FSTL5: variants seen among roughly 807,000 people sequenced by gnomAD.
FSTL5 encodes the protein follistatin like 5.
FSTL5 carries 62 observed loss-of-function variants against 89.1 expected under a neutral mutation model. The ratio of observed to expected loss-of-function variants is 0.70; its 90% confidence interval spans 0.57 to 0.86. The LOEUF (loss-of-function observed/expected upper bound fraction) is 0.86, where lower values mean the gene tolerates loss of function less well. Ranked by LOEUF, FSTL5 falls within the 40% of genes least tolerant of loss-of-function variation. The pLI is 0.00. For synonymous variants in FSTL5, 383 were observed against 346.2 expected (o/e 1.11, Z -1.18); for missense variants, 1,057 against 1,001.6 (o/e 1.06, Z -0.75).
chr4:161,559,301 T>G (rs1732502830), intron 8 of FSTL5, among the ~76,000 whole-genome samples: 1 of 151,900 alleles, frequency 6.6e-6, no homozygotes. Context: ...ACTCCTAAAA[T>G]AACTGCTGTT....
At chr4:161,456,941 C>A (rs1733374904) in intron 14 of FSTL5, among the ~76,000 whole-genome samples, 1 of 152,122 alleles carries the variant, frequency 6.6e-6, no homozygotes, top group African/African-American at 2.4e-5. Context: ...GATTATCTCT[C>A]CAGACAGAGG....
At chr4:161,882,184 G>C (rs760782715) in intron 4 of FSTL5, among the ~76,000 whole-genome samples, 1 of 151,882 alleles carries the variant, frequency 6.6e-6, no homozygotes, top group African/African-American at 2.4e-5. Flanking sequence ...CCTAGCCTCT[G>C]GTCAACTCTT....
chr4:161,538,232 T>C lies in FSTL5; in HGVS notation c.1246A>G (p.Lys416Glu), dbSNP rs1378659187. ...EDTGAYTCIA[K>E]NEAGVDEDIS... Reference sequence around the variant, plus strand: ...TCTTCATCCACTCCTGCTTCATTCTTTGCGATACAAGTGTATGCTCCAGTA... The same window carrying C: ...TCTTCATCCACTCCTGCTTCATTCTCTGCGATACAAGTGTATGCTCCAGTA... Residue 416 changes from lysine (K) to glutamate (E), a missense_variant, in exon 10 of 16, where the codon AAG becomes GAG. Lys to Glu is a moderately conservative substitution (Grantham distance 56, BLOSUM62 1). Transcript: ENST00000306100. 2 of 1,614,034 alleles carry C rather than the reference T, an allele frequency of 1.2e-6. No individual in the cohort carries two copies. The highest frequency in any genetic ancestry group is 1.7e-5 in the Admixed American group (1 of 60,004).
intron 6 of FSTL5, among the ~76,000 whole-genome samples, chr4:161,678,800 T>A (rs1737410973): frequency 6.6e-6 from 1 of 151,922 alleles, no homozygotes; most frequent in East Asian, 1.9e-4. Context: ...AGATTTACTG[T>A]AGATTATTTT....
At chr4:162,089,549 C>T (rs10002246) in intron 2 of FSTL5, among the ~76,000 whole-genome samples, 150 of 148,828 alleles carry the variant, frequency 1.0e-3, no homozygotes, top group African/African-American at 3.4e-3. Context: ...AGGAGAATCA[C>T]CTGAACCCTG....
intron 4 of FSTL5, among the ~76,000 whole-genome samples, chr4:161,889,575 C>T (rs901262851): frequency 2.6e-5 from 4 of 152,090 alleles, no homozygotes; most frequent in African/African-American, 4.8e-5. Flanking sequence ...ACCCAGGATG[C>T]GGAGGTTGCA....
chr4:161,645,241 ATTAT>A (rs1169627165), intron 7 of FSTL5, among the ~76,000 whole-genome samples: 10 of 152,130 alleles, frequency 6.6e-5, no homozygotes, highest in African/African-American at 2.4e-4. Flanking sequence ...AGCCAAAATT[ATTAT>A]TTAAAGAAAG....
At chr4:161,631,610 C>T (rs918658573) in intron 7 of FSTL5, among the ~76,000 whole-genome samples, 1 of 152,096 alleles carries the variant, frequency 6.6e-6, no homozygotes, top group Non-Finnish European at 1.5e-5. Context: ...TAGTGAGATT[C>T]TGTCTCTAAA....
intron 4 of FSTL5, among the ~76,000 whole-genome samples, chr4:161,863,896 G>A (rs1036928199): frequency 3.3e-5 from 5 of 152,160 alleles, no homozygotes; most frequent in Non-Finnish European, 5.9e-5. Context: ...AACAAATTTA[G>A]AGCCATGTCT....
intron 3 of FSTL5, among the ~76,000 whole-genome samples, chr4:161,926,324 C>G (rs1667222208): frequency 6.6e-6 from 1 of 151,538 alleles, no homozygotes; most frequent in African/African-American, 2.4e-5. Flanking sequence ...TTGAACCCTT[C>G]TTTTCTCCCT....
In FSTL5 at chr4:161,759,458, A is replaced by C; in HGVS notation, c.680T>G (p.Phe227Cys). The C allele has an allele frequency of 2.5e-6, 4 of 1,598,184 alleles. No homozygotes were observed. Among genetic ancestry groups the C allele is most frequent in the Non-Finnish European group, 3.4e-6 (4 of 1,172,620 alleles). The change falls in exon 6 of 16, where the codon TTT (phenylalanine) becomes TGT (cysteine). Residue 227 changes from phenylalanine to cysteine, a missense_variant. This residue lies in a region of FSTL5 where 980 missense variants were observed against 903.2 expected (regional missense o/e 1.08). Coordinates refer to ENST00000306100, the MANE Select transcript of FSTL5 (RefSeq NM_020116.5). ...AAGAGCCAGGTGCTTGTCAGCATTA[A>C]AATCATCATATTTCAATAGAACATA... is the stretch of plus-strand genomic sequence containing the variant. ...TLYVLLKYDD[F>C]NADKHLALEE...
At chr4:161,720,970 G>A (rs980049054) in intron 6 of FSTL5, among the ~76,000 whole-genome samples, 2 of 152,036 alleles carry the variant, frequency 1.3e-5, no homozygotes, top group African/African-American at 4.8e-5. Context: ...AGTTACCAAC[G>A]CCACACTGTA....
At chr4:161,708,248 A>T (rs1002436629) in intron 6 of FSTL5, among the ~76,000 whole-genome samples, 4 of 151,988 alleles carry the variant, frequency 2.6e-5, no homozygotes, top group African/African-American at 7.2e-5. Flanking sequence ...AAAACTACAG[A>T]TCTCTTTACT....
intron 4 of FSTL5, among the ~76,000 whole-genome samples, chr4:161,861,000 T>C (rs1731893636): frequency 6.6e-6 from 1 of 152,174 alleles, no homozygotes; most frequent in East Asian, 1.9e-4. Flanking sequence ...TACGTTGTGT[T>C]CCTTTACAAG....
intron 15 of FSTL5, among the ~76,000 whole-genome samples, chr4:161,396,785 G>C (rs1035594959): frequency 2.0e-5 from 3 of 149,230 alleles, no homozygotes; most frequent in Admixed American, 1.3e-4. Context: ...CATTTTATAA[G>C]AAAAATACAA....
Position 161,775,882 on chromosome 4 carries a change from GT to G in FSTL5, c.601del (p.Thr201LeufsTer3). On this transcript the variant is annotated frameshift_variant, in exon 5 of 16. Transcript: ENST00000306100. LOFTEE classifies it high-confidence loss of function. ...TAATATAGTCACTAATCATACCTGA[GT>G]TAGTTCATTAATATCTACAAGTCCA... ...SNGLVDINEL[T>X]QVIKQEELGK... is the part of the protein sequence containing the mutation. The G allele has an allele frequency of 6.7e-7, 1 of 1,490,636 alleles. No individual in the cohort carries two copies. The highest frequency in any genetic ancestry group is 9.1e-7 in the Non-Finnish European group (1 of 1,100,578). 92.3% of individuals were successfully genotyped at this position (1,490,636 alleles called of 1,614,324 possible). A position where few individuals can be genotyped will look rare whatever the true frequency, so the allele number is the denominator to read the frequency against.
chr4:161,851,400 G>A (rs1731544923), intron 4 of FSTL5, among the ~76,000 whole-genome samples: 1 of 152,026 alleles, frequency 6.6e-6, no homozygotes, highest in African/African-American at 2.4e-5. Context: ...TCTCAGTTGT[G>A]TCTGGTTAAC....
chr4:161,882,776 A>T (rs1161037825), intron 4 of FSTL5, among the ~76,000 whole-genome samples: 1 of 152,068 alleles, frequency 6.6e-6, no homozygotes, highest in Non-Finnish European at 1.5e-5. Flanking sequence ...TGGAATAATT[A>T]TTTTACAGAA....
chr4:161,719,207 C>A (rs1209969069), intron 6 of FSTL5, among the ~76,000 whole-genome samples: 1 of 152,100 alleles, frequency 6.6e-6, no homozygotes, highest in Non-Finnish European at 1.5e-5. Context: ...TGACAACATC[C>A]TTTCTTCCTT....
Sources: gnomAD v4.1 joint callset for allele counts (sites outside exome capture counted in the v4.1 genomes callset) on GRCh38, gnomAD v4.1.1 for gene constraint, gnomAD v4.1.1 regional missense constraint, MANE v1.5 for transcripts, NCBI Gene and HGNC (gene_info 2026-07-23, HGNC 2026-07-21) for gene names.